The following CNOT4 variants were observed in gnomAD, a reference collection of about 807,000 sequenced individuals.
CNOT4 encodes the protein CCR4-associated factor 4.
In CNOT4, 8 loss-of-function variants were observed where a neutral mutation model predicts 73.8. The ratio of observed to expected loss-of-function variants is 0.11; its 90% CI spans 0.06 to 0.20. The LOEUF is 0.20. Ranked by LOEUF, CNOT4 falls within the 10% of genes least tolerant of loss-of-function variation. The pLI is 1.00. For missense variants in CNOT4, 564 were observed against 883.4 expected, an observed-to-expected ratio of 0.64 and a Z score of 4.58; for synonymous variants, 293 against 321.1, an observed-to-expected ratio of 0.91 and a Z score of 0.94.
intron 7 of CNOT4, among the ~76,000 whole-genome samples, chr7:135,405,133 G>T (rs1797209243): frequency 6.6e-6 from 1 of 152,004 alleles, no homozygotes; most frequent in Non-Finnish European, 1.5e-5. Flanking sequence ...TATTTGTGTG[G>T]GATACTGGTA....
At chr7:135,477,897 T>C (rs747279968) in intron 1 of CNOT4, among the ~76,000 whole-genome samples, 3 of 151,540 alleles carry the variant, frequency 2.0e-5, no homozygotes, top group Non-Finnish European at 4.4e-5. Context: ...TTTATGCCAA[T>C]ATATATTTTA....
At chr7:135,418,330 T>A (rs1797984919) in intron 3 of CNOT4, among the ~76,000 whole-genome samples, 1 of 152,198 alleles carries the variant, frequency 6.6e-6, no homozygotes, top group African/African-American at 2.4e-5. Context: ...ACCCTGTACA[T>A]CAGCACATTA....
At chr7:135,456,306 A>C (rs371141328) in intron 1 of CNOT4, among the ~76,000 whole-genome samples, 1 of 152,306 alleles carries the variant, frequency 6.6e-6, no homozygotes, top group South Asian at 2.1e-4. Context: ...AGCAGGAAGG[A>C]TTTCTGCAGT....
At chr7:135,440,997 T>G (rs935694560) in intron 1 of CNOT4, among the ~76,000 whole-genome samples, 1 of 152,148 alleles carries the variant, frequency 6.6e-6, no homozygotes, top group Admixed American at 6.5e-5. Flanking sequence ...AAATATGATA[T>G]AACATAAGGT....
intron 1 of CNOT4, among the ~76,000 whole-genome samples, chr7:135,504,462 A>ATTTTTTTT (rs34100799): frequency 2.5e-4 from 14 of 55,940 alleles, no homozygotes; most frequent in East Asian, 1.0e-3. Context: ...CATCCGGCTA[A>ATTTTTTTT]TTTTTTTTTT....
chr7:135,482,986 C>CAAAAAA (rs36125617), intron 1 of CNOT4, among the ~76,000 whole-genome samples: 55 of 43,240 alleles, frequency 1.3e-3, no homozygotes, highest in African/African-American at 2.0e-3. Context: ...GACTCCATAT[C>CAAAAAA]AAAAAAAAAA....
At chr7:135,468,194 C>T (rs1048587532) in intron 1 of CNOT4, among the ~76,000 whole-genome samples, 5 of 150,688 alleles carry the variant, frequency 3.3e-5, no homozygotes, top group South Asian at 2.1e-4. Flanking sequence ...CCAGCCTGGG[C>T]GACAGAGCGA....
intron 1 of CNOT4, among the ~76,000 whole-genome samples, chr7:135,505,573 A>G (rs1804316167): frequency 6.6e-6 from 1 of 152,152 alleles, no homozygotes; most frequent in African/African-American, 2.4e-5. Flanking sequence ...GGGAGAAAAA[A>G]AGCCATACTC....
intron 1 of CNOT4, among the ~76,000 whole-genome samples, chr7:135,438,919 C>T (rs140269804): frequency 2.1e-3 from 322 of 152,144 alleles, no homozygotes; most frequent in Middle Eastern, 0.014. Flanking sequence ...CTCAGAAAAA[C>T]TCGGATGCCA....
intron 1 of CNOT4, among the ~76,000 whole-genome samples, chr7:135,454,773 T>G (rs927647808): frequency 4.0e-5 from 6 of 151,450 alleles, no homozygotes; most frequent in Non-Finnish European, 8.8e-5. Context: ...GTGCCTGTAG[T>G]CCCAGGGGGC....
chr7:135,448,520 T>C (rs1265844298), intron 1 of CNOT4, among the ~76,000 whole-genome samples: 1 of 126,326 alleles, frequency 7.9e-6, no homozygotes, highest in Non-Finnish European at 1.6e-5. Flanking sequence ...ACAGAGCAAC[T>C]CTGTCAAAAA....
chr7:135,426,278 T>C (rs1798489201), intron 2 of CNOT4, among the ~76,000 whole-genome samples: 1 of 151,550 alleles, frequency 6.6e-6, no homozygotes, highest in Non-Finnish European at 1.5e-5. Flanking sequence ...CTCACAAAGC[T>C]AATATTACTA....
At position 135,438,423 on chromosome 7, in the gene CNOT4, C is replaced by T; in HGVS notation, c.-92G>A. ...AAGCTAAAATGTAGGACTTTGACGA[C>T]CTGCATGAGAAGAAACAAAATACAT... is the stretch of plus-strand genomic sequence containing the variant. On this transcript the variant is annotated splice_region_variant and 5_prime_UTR_variant, in exon 2 of 12. Transcript: ENST00000541284. 1 of 1,003,880 alleles carries T rather than the reference C, an allele frequency of 1.0e-6. No individual in the cohort carries two copies. Among genetic ancestry groups the T allele is most frequent in the Non-Finnish European group, 1.4e-6 (1 of 715,856 alleles). The allele number at this position is 1,003,880 out of a possible 1,614,324, so 62.2% of individuals were successfully genotyped here.
chr7:135,368,361 C>T (rs1457434188), intron 10 of CNOT4, among the ~76,000 whole-genome samples: 2 of 152,054 alleles, frequency 1.3e-5, no homozygotes, highest in Non-Finnish European at 2.9e-5. Context: ...TTAAGACCAC[C>T]AAGCTAAAAA....
intron 10 of CNOT4, among the ~76,000 whole-genome samples, chr7:135,370,147 T>C (rs1487110500): frequency 2.0e-5 from 3 of 152,190 alleles, no homozygotes. Context: ...GACACACCAA[T>C]ACTCCACTAG....
chr7:135,468,820 C>T (rs910004539), intron 1 of CNOT4, among the ~76,000 whole-genome samples: 14 of 152,068 alleles, frequency 9.2e-5, no homozygotes, highest in Admixed American at 7.2e-4. Flanking sequence ...CAATTCAAAC[C>T]CTTATGCCTT....
At chr7:135,375,233 A>C (rs1275198263) in intron 10 of CNOT4, among the ~76,000 whole-genome samples, 3 of 152,222 alleles carry the variant, frequency 2.0e-5, no homozygotes, top group African/African-American at 7.2e-5. Context: ...ATATGTGTAA[A>C]GAGAATTAAA....
At chr7:135,366,229 C>T (rs1359320472) in intron 10 of CNOT4, among the ~76,000 whole-genome samples, 1 of 152,078 alleles carries the variant, frequency 6.6e-6, no homozygotes, top group African/African-American at 2.4e-5. Flanking sequence ...TTTGCTTTAC[C>T]ATTTAGTGAG....
rs531045296 is a variant in CNOT4, at chr7:135,458,073, G to A, written c.-92-19650C>T. 6.6e-5 allele frequency among the ~76,000 whole-genome samples: 10 copies of A among 152,162 alleles called. No individual in the cohort carries two copies. The East Asian group carries it at 1.7e-3, about 26-fold the overall frequency. ...CAACATTGTAACAAACACTCCATGT[G>A]TGTTGATTTTCCTCATTTATGTTAT... is the stretch of plus-strand genomic sequence containing the variant. On this transcript the variant is annotated intron_variant, in intron 1 of 11. Transcript: ENST00000541284.
Sources: gnomAD v4.1 joint callset for allele counts (sites outside exome capture counted in the v4.1 genomes callset) on GRCh38, gnomAD v4.1.1 for gene constraint, MANE v1.5 for transcripts, NCBI Gene and HGNC (gene_info 2026-07-23, HGNC 2026-07-21) for gene names.